Variants in PRDM1 observed in about 807,000 individuals in gnomAD.
The protein encoded by PRDM1 is PR/SET domain 1, also known as PR domain zinc finger protein 1.
A neutral mutation model predicts 62.8 loss-of-function variants in PRDM1; 13 were observed. The ratio of observed to expected loss-of-function variants is 0.21; its 90% CI spans 0.13 to 0.33. PRDM1 has a LOEUF of 0.33. Ranked by LOEUF, PRDM1 falls within the 10% of genes least tolerant of loss-of-function variation. The probability of loss-of-function intolerance (pLI) is 1.00; values close to 1 mark genes in which losing one functional copy is unlikely to be tolerated. For synonymous variants in PRDM1, 396 were observed against 417.6 expected (o/e 0.95, Z 0.63); for missense variants, 895 against 1,058.8 (o/e 0.85, Z 2.15).
intron 1 of PRDM1, among the ~76,000 whole-genome samples, chr6:106,023,391 G>A (rs778611057): frequency 3.3e-5 from 5 of 151,962 alleles, no homozygotes; most frequent in East Asian, 1.9e-4. Context: ...GGAGAATGGC[G>A]TGAACCCAGA....
upstream of PRDM1, chr6:106,086,199 C>G (rs904768621): frequency 4.9e-5 from 16 of 329,056 alleles, no homozygotes; most frequent in Admixed American, 1.4e-4. Context: ...AGAGAGGAAG[C>G]TCTCGGCGGC....
Position 106,106,352 on chromosome 6 carries a change from A to G in PRDM1, c.1774-19A>G, listed in dbSNP as rs1408551687. The G allele has an allele frequency of 4.3e-6, 7 of 1,613,846 alleles. No individual in the cohort carries two copies. The Admixed American group carries it at 6.7e-5, about 15-fold the overall frequency. ...GAGCCAGCTTGAGAGCAGAGCTAAC[A>G]CATGTGGCTTCTTCCCAGGTCCACC... On this transcript the variant is annotated intron_variant, in intron 5 of 6. Transcript: ENST00000369096. The surrounding 1 kb of genome is among the most constrained non-coding windows in gnomAD (Gnocchi z 4.4).
At chr6:106,020,743 A>G (rs1772688441) in intron 1 of PRDM1, among the ~76,000 whole-genome samples, 2 of 152,252 alleles carry the variant, frequency 1.3e-5, no homozygotes, top group South Asian at 4.1e-4. Context: ...AGAACATTCT[A>G]AAGTAACGTG....
intron 1 of PRDM1, among the ~76,000 whole-genome samples, chr6:106,067,525 A>T (rs971129623): frequency 6.6e-6 from 1 of 152,326 alleles, no homozygotes; most frequent in Non-Finnish European, 1.5e-5. Flanking sequence ...GAGAATCAAG[A>T]TGCAATATAA....
At position 106,077,366 on chromosome 6, in the gene PRDM1, T is replaced by C. The variant is rs567357704; in HGVS notation, c.-66-10835T>C. Among the ~76,000 whole-genome samples the C allele has an allele frequency of 2.0e-5, 3 of 152,118 alleles. No homozygotes were observed. The East Asian group carries it at 5.8e-4, about 29-fold the overall frequency. ...GTAGAAGACCACAGAGACAGATCAT[T>C]GTCCAGGAGGATGAATCACAGTTAG... On this transcript the variant is annotated intron_variant, in intron 1 of 6. Transcript: ENST00000651185.
At chr6:106,017,784 G>A (rs535507988) in intron 1 of PRDM1, among the ~76,000 whole-genome samples, 1 of 152,278 alleles carries the variant, frequency 6.6e-6, no homozygotes, top group East Asian at 1.9e-4. Flanking sequence ...GACTCTGTCA[G>A]TCATCAGGAT....
At position 106,086,529 on chromosome 6, in the gene PRDM1, T is replaced by C. The variant is rs1231936850; in HGVS notation, c.-25T>C. 2 of 1,550,270 alleles carry C rather than the reference T, an allele frequency of 1.3e-6. No individual in the cohort carries two copies. The highest frequency in any genetic ancestry group is 4.9e-5 in the East Asian group (2 of 41,026). The stretch of plus-strand genomic sequence containing the variant: ...GGACGCGGGGAGAATGTGGACTGGG[T>C]AGAGATGAACGAGACTTTTCTCAGA... On this transcript the variant is annotated 5_prime_UTR_variant, in exon 1 of 7. The change abolishes the stop of an existing upstream ORF in the 5' untranslated region. Transcript: ENST00000369096.
At chr6:106,060,915 A>AGGGGGATAGACCAGGAGATC (rs1773335084) in intron 1 of PRDM1, among the ~76,000 whole-genome samples, 2 of 152,100 alleles carry the variant, frequency 1.3e-5, no homozygotes, top group Non-Finnish European at 2.9e-5. Context: ...TCCGTCATCA[A>AGGGGGATAGACCAGGAGATC]GGGGGATAGA....
chr6:106,043,294 T>G (rs1405201264), intron 1 of PRDM1, among the ~76,000 whole-genome samples: 1 of 152,214 alleles, frequency 6.6e-6, no homozygotes, highest in Non-Finnish European at 1.5e-5. Context: ...ATTAACTTGT[T>G]TATTGTTGTT....
At chr6:106,042,581 C>G (rs1030669576) in intron 1 of PRDM1, among the ~76,000 whole-genome samples, 1 of 151,228 alleles carries the variant, frequency 6.6e-6, no homozygotes, top group Non-Finnish European at 1.5e-5. Context: ...CAAGTGTGAA[C>G]AAAAATTGTT....
chr6:106,002,145 G>A (rs1258607193), intron 1 of PRDM1, among the ~76,000 whole-genome samples: 1 of 151,996 alleles, frequency 6.6e-6, no homozygotes, highest in African/African-American at 2.4e-5. Context: ...TTCTTAAGTA[G>A]CATTTGAATT....
At chr6:106,053,756 A>G (rs1773218087) in intron 1 of PRDM1, among the ~76,000 whole-genome samples, 3 of 152,276 alleles carry the variant, frequency 2.0e-5, no homozygotes, top group Middle Eastern at 6.8e-3. Flanking sequence ...GGCTCCCTGA[A>G]TACAAGTGTC....
At chr6:106,008,233 C>A (rs914436401) in intron 1 of PRDM1, among the ~76,000 whole-genome samples, 41 of 152,066 alleles carry the variant, frequency 2.7e-4, no homozygotes, top group African/African-American at 9.2e-4. Context: ...ATTAGCTGGG[C>A]GTGGTGGCGC....
upstream of PRDM1, among the ~76,000 whole-genome samples, chr6:106,082,797 TC>T (rs1448787946): frequency 6.6e-6 from 1 of 152,208 alleles, no homozygotes; most frequent in East Asian, 1.9e-4. Flanking sequence ...AATATGTTTG[TC>T]AAAAGTTTTT....
In PRDM1 at chr6:105,994,046, T is replaced by G. The variant is rs2114535978; in HGVS notation, c.-67+407T>G. Among the ~76,000 whole-genome samples, 1 of 152,282 alleles carries G rather than the reference T, an allele frequency of 6.6e-6. No homozygotes were observed. The highest frequency in any genetic ancestry group is 2.1e-4 in the South Asian group (1 of 4,818). The stretch of plus-strand genomic sequence containing the variant: ...GTAAGGTATTTATTTGTACGCTAGT[T>G]GAAGTGGGGCAGGAGCACTGATTCC... On this transcript the variant is annotated intron_variant, in intron 1 of 6. Coordinates refer to the PRDM1 transcript ENST00000652320. The surrounding 1 kb of genome is among the most constrained non-coding windows in gnomAD (Gnocchi z 4.1).
chr6:106,033,832 A>C (rs1459096190), intron 1 of PRDM1, among the ~76,000 whole-genome samples: 1 of 151,838 alleles, frequency 6.6e-6, no homozygotes, highest in African/African-American at 2.4e-5. Flanking sequence ...TAGTTCTTTA[A>C]ATATTTGGTA....
chr6:106,098,352 T>G (rs1028567483), intron 3 of PRDM1: 1 of 985,172 alleles, frequency 1.0e-6, no homozygotes, highest in African/African-American at 1.7e-5. Flanking sequence ...ACGTTTTAAT[T>G]TTTCTTCTTC....
chr6:106,102,714 A>G (rs1774309322), intron 4 of PRDM1, among the ~76,000 whole-genome samples: 1 of 152,226 alleles, frequency 6.6e-6, no homozygotes, highest in Admixed American at 6.5e-5. Context: ...TATTTGTTGA[A>G]TTATAGAACC....
At position 105,996,552 on chromosome 6, in the gene PRDM1, T is replaced by G. The variant is rs142525161; in HGVS notation, c.-67+2913T>G. The stretch of plus-strand genomic sequence containing the variant: ...GAAGTTAATACGTTTTCTATAGCAT[T>G]CAACTCCTCTGCTGCCAAAACATCT... On this transcript the variant is annotated intron_variant, in intron 1 of 6. Transcript: ENST00000652320. Among the ~76,000 whole-genome samples, 5 of 152,280 alleles carry G rather than the reference T, an allele frequency of 3.3e-5. No individual in the cohort carries two copies. In the East Asian group the frequency reaches 7.7e-4, roughly 23 times the overall value.
Sources: gnomAD v4.1 joint callset for allele counts (sites outside exome capture counted in the v4.1 genomes callset) on GRCh38, gnomAD v4.1.1 for gene constraint, Gnocchi (gnomAD v3.1) non-coding constraint, MANE v1.5 for transcripts, NCBI Gene and HGNC (gene_info 2026-07-23, HGNC 2026-07-21) for gene names.